Variants in ENOX1 observed in about 807,000 individuals in gnomAD.
ENOX1 encodes ecto-NOX disulfide-thiol exchanger 1.
In ENOX1, 42 loss-of-function variants were observed where a neutral mutation model predicts 82.5. The observed-to-expected ratio is 0.51, with a 90% CI of 0.40 to 0.66. The LOEUF is 0.66. ENOX1 is among the 30% of genes least tolerant of loss of function. The pLI, the probability that ENOX1 is intolerant of heterozygous loss-of-function variation, is 0.00. For synonymous variants in ENOX1, 271 were observed against 282.2 expected (o/e 0.96, Z 0.40); for missense variants, 608 against 811.6 (o/e 0.75, Z 3.05).
At position 43,515,398 on chromosome 13, in the gene ENOX1, A is replaced by T. The variant is rs553569821; in HGVS notation, c.-218-31246T>A. ...ACAGAAAGGCTAAGTCTTTTCTTCT[A>T]TTCCTAAACTTTGGAGTATCCGTTT... On this transcript the variant is annotated intron_variant, in intron 2 of 16. Transcript: ENST00000690772. Among the ~76,000 whole-genome samples, 4 of 152,230 alleles carry T rather than the reference A, an allele frequency of 2.6e-5. No individual in the cohort carries two copies. The East Asian group carries it at 7.8e-4, about 30-fold the overall frequency.
At chr13:43,294,211 T>C (rs1250416803) in intron 12 of ENOX1, among the ~76,000 whole-genome samples, 2 of 152,214 alleles carry the variant, frequency 1.3e-5, no homozygotes, top group Non-Finnish European at 2.9e-5. Context: ...CCCTTTGACA[T>C]AATCATCATT....
chr13:43,529,641 G>A (rs972119279), intron 2 of ENOX1, among the ~76,000 whole-genome samples: 3 of 152,020 alleles, frequency 2.0e-5, no homozygotes, highest in African/African-American at 4.8e-5. Flanking sequence ...GTGTGTGGAC[G>A]ACATGTACAG....
intron 8 of ENOX1, among the ~76,000 whole-genome samples, chr13:43,349,593 C>T (rs1423819606): frequency 6.6e-6 from 1 of 152,186 alleles, no homozygotes; most frequent in African/African-American, 2.4e-5. Context: ...TATTCTAAGA[C>T]CAGGTGCAGG....
At chr13:43,539,118 T>C (rs1593705462) in intron 2 of ENOX1, among the ~76,000 whole-genome samples, 2 of 152,300 alleles carry the variant, frequency 1.3e-5, no homozygotes, top group Non-Finnish European at 1.5e-5. Context: ...CCACAACACC[T>C]GGCTCTTGGC....
chr13:43,741,308 C>G (rs954670137), intron 1 of ENOX1, among the ~76,000 whole-genome samples: 1 of 152,174 alleles, frequency 6.6e-6, no homozygotes, highest in Non-Finnish European at 1.5e-5. Flanking sequence ...TGGTCTAGAA[C>G]TCCTGACCTT....
intron 2 of ENOX1, among the ~76,000 whole-genome samples, chr13:43,534,342 G>A (rs771218523): frequency 5.3e-5 from 8 of 151,950 alleles, no homozygotes; most frequent in African/African-American, 1.7e-4. Flanking sequence ...CACACTCCTC[G>A]TCCACAGCCC....
At chr13:43,684,566 C>G (rs2085966591) in intron 1 of ENOX1, among the ~76,000 whole-genome samples, 1 of 152,100 alleles carries the variant, frequency 6.6e-6, no homozygotes, top group Non-Finnish European at 1.5e-5. Context: ...GATAGCACCT[C>G]TAATCCACAC....
At position 43,666,927 on chromosome 13, in the gene ENOX1, A is replaced by G. The variant is rs527947290; in HGVS notation, c.-219+552T>C. ...CATATCCTAAGGAGAGACTAACCCA[A>G]TGGGGACTGTTTAATCCTCTAAGAA... On this transcript the variant is annotated intron_variant, in intron 2 of 16. Coordinates refer to ENST00000690772, the MANE Select transcript of ENOX1 (RefSeq NM_001347969.2). 5.9e-5 allele frequency among the ~76,000 whole-genome samples: 9 copies of G among 152,300 alleles called. No individual in the cohort carries two copies. In the East Asian group the frequency reaches 1.5e-3, roughly 26 times the overall value.
intron 2 of ENOX1, 108 bp from the exon 3 acceptor site, chr13:43,484,260 C>A: frequency 1.6e-6 from 1 of 636,420 alleles, no homozygotes; most frequent in Non-Finnish European, 2.0e-6. Flanking sequence ...TTATTAATTT[C>A]TATTATCAAT....
At chr13:43,612,791 T>A (rs927431549) in intron 2 of ENOX1, among the ~76,000 whole-genome samples, 11 of 152,346 alleles carry the variant, frequency 7.2e-5, no homozygotes, top group Admixed American at 2.0e-4. Context: ...CACTTCAGCA[T>A]AGTACTTTGC....
At chr13:43,574,840 C>G (rs1368958181) in intron 2 of ENOX1, among the ~76,000 whole-genome samples, 1 of 152,200 alleles carries the variant, frequency 6.6e-6, no homozygotes, top group Non-Finnish European at 1.5e-5. Flanking sequence ...CAGCGAGACA[C>G]TGGGTGTGTA....
At chr13:43,363,485 T>C (rs913075732) in intron 5 of ENOX1, among the ~76,000 whole-genome samples, 2 of 152,194 alleles carry the variant, frequency 1.3e-5, no homozygotes, top group African/African-American at 4.8e-5. Flanking sequence ...CAGAACAGAA[T>C]GGTTTTCAAC....
At chr13:43,454,274 T>C (rs900732208) in intron 3 of ENOX1, among the ~76,000 whole-genome samples, 2 of 151,964 alleles carry the variant, frequency 1.3e-5, no homozygotes, top group African/African-American at 4.8e-5. Context: ...TTTTTTTTGC[T>C]TTTATTATGA....
chr13:43,237,772 C>T (rs1241874745), intron 14 of ENOX1, among the ~76,000 whole-genome samples: 1 of 152,110 alleles, frequency 6.6e-6, no homozygotes, highest in Admixed American at 6.5e-5. Context: ...GCATGCCGAG[C>T]CTGCAAAAAG....
intron 5 of ENOX1, among the ~76,000 whole-genome samples, chr13:43,396,493 T>G (rs1419136687): frequency 1.3e-5 from 2 of 152,152 alleles, no homozygotes; most frequent in Admixed American, 1.3e-4. Flanking sequence ...GATTCTCCTG[T>G]GTCAGCCTCC....
At chr13:43,287,972 G>A (rs151193763) in intron 12 of ENOX1, among the ~76,000 whole-genome samples, 1 of 152,298 alleles carries the variant, frequency 6.6e-6, no homozygotes, top group Non-Finnish European at 1.5e-5. Context: ...TACCAGGAGT[G>A]TAATCTGCAA....
chr13:43,637,410 G>T (rs1489309152), intron 2 of ENOX1, among the ~76,000 whole-genome samples: 2 of 152,168 alleles, frequency 1.3e-5, no homozygotes, highest in Non-Finnish European at 1.5e-5. Context: ...AAGGAGAGCA[G>T]CCTATCTGCC....
intron 2 of ENOX1, among the ~76,000 whole-genome samples, chr13:43,589,216 G>GAA (rs58912569): frequency 0.074 from 5,861 of 79,428 alleles, 257 homozygotes; most frequent in African/African-American, 0.1. Flanking sequence ...GACATTAATG[G>GAA]AAAAAAAAAA....
At chr13:43,362,837 C>T (rs1310895524) in intron 5 of ENOX1, among the ~76,000 whole-genome samples, 1 of 152,198 alleles carries the variant, frequency 6.6e-6, no homozygotes, top group African/African-American at 2.4e-5. Context: ...TGATCTATAA[C>T]CCCAAGAGGA....
Sources: gnomAD v4.1 joint callset for allele counts (sites outside exome capture counted in the v4.1 genomes callset) on GRCh38, gnomAD v4.1.1 for gene constraint, MANE v1.5 for transcripts, NCBI Gene and HGNC (gene_info 2026-07-23, HGNC 2026-07-21) for gene names.